Variants in CEP83 observed in about 807,000 individuals in gnomAD.
CEP83 encodes centrosomal protein 83, also known as centrosomal protein of 83 kDa.
Under a neutral mutation model 101.9 loss-of-function variants are expected in CEP83, and 70 were observed. The ratio of observed to expected loss-of-function variants is 0.69; its 90% CI spans 0.57 to 0.84. The LOEUF (loss-of-function observed/expected upper bound fraction) is 0.84, where lower values mean the gene tolerates loss of function less well. Among genes scored for constraint, CEP83 ranks in the 40% least tolerant of loss-of-function variants. CEP83 has a pLI of 0.00. For synonymous variants in CEP83, 264 were observed against 267.9 expected (o/e 0.99, Z 0.14); for missense variants, 715 against 787.2 (o/e 0.91, Z 1.10).
At chr12:94,267,088 T>C in the CEP83 span, among the ~76,000 whole-genome samples, 5 of 152,250 alleles carry the variant, frequency 3.3e-5, no homozygotes, top group African/African-American at 4.8e-5. Context: ...GGGCTTGTTA[T>C]TCCTAACCTA....
chr12:94,435,438 TG>T (rs1387730172), intron 1 of CEP83, 111 bp from the exon 2 acceptor site: 15 of 152,306 alleles, frequency 9.8e-5, no homozygotes, highest in Middle Eastern at 3.4e-3. Flanking sequence ...TACTTCTGCA[TG>T]ACTGTCCACA....
At chr12:94,334,126 C>A (rs1211299280) in intron 12 of CEP83, among the ~76,000 whole-genome samples, 1 of 152,166 alleles carries the variant, frequency 6.6e-6, no homozygotes, top group Admixed American at 6.5e-5. Flanking sequence ...ACTCTCCGAG[C>A]AATCAAAATT....
chr12:94,265,674 C>T, the CEP83 span, among the ~76,000 whole-genome samples: 1 of 152,192 alleles, frequency 6.6e-6, no homozygotes, highest in African/African-American at 2.4e-5. Flanking sequence ...CCCCATGCAA[C>T]GTGACGCCCT....
intron 2 of CEP83, chr12:94,424,986 G>T (rs2065073547): frequency 3.6e-6 from 5 of 1,399,722 alleles, no homozygotes; most frequent in Non-Finnish European, 4.9e-6. Context: ...TTAATGTTAG[G>T]GAACGAGTGA....
At chr12:94,324,193 T>C (rs1012450618) in intron 14 of CEP83, among the ~76,000 whole-genome samples, 2 of 152,188 alleles carry the variant, frequency 1.3e-5, no homozygotes, top group African/African-American at 4.8e-5. Context: ...CTGGAAGAGT[T>C]TGCGTTAAGA....
chr12:94,331,328 A>G (rs962369363), intron 14 of CEP83, among the ~76,000 whole-genome samples: 7 of 48,068 alleles, frequency 1.5e-4, no homozygotes, highest in Non-Finnish European at 2.6e-4. Flanking sequence ...ATTTAATTAT[A>G]TTTTACTCCA....
intron 1 of CEP83, among the ~76,000 whole-genome samples, chr12:94,448,330 G>C (rs1243788226): frequency 1.3e-5 from 2 of 152,086 alleles, no homozygotes; most frequent in Non-Finnish European, 2.9e-5. Flanking sequence ...TAATTAAAAA[G>C]AGAAATAGGT....
At chr12:94,396,719 C>T (rs1406040637) in intron 6 of CEP83, among the ~76,000 whole-genome samples, 1 of 152,078 alleles carries the variant, frequency 6.6e-6, no homozygotes, top group Admixed American at 6.6e-5. Context: ...AAAAATCTTC[C>T]TAAAGTATTC....
the CEP83 span, among the ~76,000 whole-genome samples, chr12:94,288,235 T>C: frequency 6.6e-6 from 1 of 152,232 alleles, no homozygotes; most frequent in African/African-American, 2.4e-5. Context: ...TTTATCAAAA[T>C]GCTTCCCTAC....
At chr12:94,444,364 C>A (rs945598902) in intron 1 of CEP83, among the ~76,000 whole-genome samples, 1 of 152,162 alleles carries the variant, frequency 6.6e-6, no homozygotes, top group Admixed American at 6.5e-5. Flanking sequence ...GGCCATTGTA[C>A]TCCAGCCTGG....
chr12:94,325,403 C>T (rs1290608430), intron 14 of CEP83, among the ~76,000 whole-genome samples: 2 of 152,152 alleles, frequency 1.3e-5, no homozygotes, highest in African/African-American at 4.8e-5. Context: ...AAACTCCTGA[C>T]CTCAGGTGAT....
chr12:94,300,948 C>T, the CEP83 span: 2 of 1,613,424 alleles, frequency 1.2e-6, no homozygotes, highest in Non-Finnish European at 8.5e-7. Flanking sequence ...CTGAAGAACC[C>T]TCAGTTTGTC....
At chr12:94,460,340 T>C (rs2068054834), upstream of CEP83, 1 of 152,526 alleles carries the variant, frequency 6.6e-6, no homozygotes. Flanking sequence ...CCTCAAATGG[T>C]AGTCCTGCCG....
chr12:94,312,573 T>G, intron 15 of CEP83: 1 of 985,412 alleles, frequency 1.0e-6, no homozygotes, highest in Non-Finnish European at 1.2e-6. Context: ...AAAACTGACC[T>G]TTGATTCAAA....
chr12:94,418,305 G>C (rs953143203), intron 2 of CEP83, among the ~76,000 whole-genome samples: 1 of 152,206 alleles, frequency 6.6e-6, no homozygotes, highest in Non-Finnish European at 1.5e-5. Flanking sequence ...AGGCTGCAGT[G>C]AGCCAAGATT....
At chr12:94,376,407 C>T (rs1449092182) in intron 7 of CEP83, among the ~76,000 whole-genome samples, 2 of 151,904 alleles carry the variant, frequency 1.3e-5, no homozygotes, top group Non-Finnish European at 2.9e-5. Flanking sequence ...GAAGACAGGG[C>T]TCATTGATAG....
the CEP83 span, chr12:94,301,063 G>A: frequency 2.5e-6 from 4 of 1,613,226 alleles, no homozygotes; most frequent in Non-Finnish European, 3.4e-6. Flanking sequence ...GGAAGGTAAG[G>A]CCCAGCTTGA....
At chr12:94,403,038 C>T in intron 5 of CEP83, 132 bp downstream of exon 5, 1 of 539,742 alleles carries the variant, frequency 1.9e-6, no homozygotes, top group South Asian at 2.9e-5. Flanking sequence ...TCCTGTGAAG[C>T]CTTAGAGGCC....
intron 2 of CEP83, among the ~76,000 whole-genome samples, chr12:94,427,858 C>T (rs76362927): frequency 2.1e-3 from 313 of 152,264 alleles, no homozygotes; most frequent in African/African-American, 6.8e-3. Context: ...GTCACCCAAA[C>T]AGCCTTTGGA....
Sources: gnomAD v4.1 joint callset for allele counts (sites outside exome capture counted in the v4.1 genomes callset) on GRCh38, gnomAD v4.1.1 for gene constraint, MANE v1.5 for transcripts, NCBI Gene and HGNC (gene_info 2026-07-23, HGNC 2026-07-21) for gene names.